The following CAB39 variants were observed in gnomAD, a reference collection of about 807,000 sequenced individuals.
CAB39 encodes calcium-binding protein 39.
In CAB39, 8 loss-of-function variants were observed where a neutral mutation model predicts 40.0. That is an observed-to-expected ratio of 0.20 (90% CI 0.12 to 0.36). The LOEUF is 0.36. Ranked by LOEUF, CAB39 falls within the 10% of genes least tolerant of loss-of-function variation. CAB39 has a pLI of 1.00. For missense variants in CAB39, 270 were observed against 401.1 expected, an observed-to-expected ratio of 0.67 and a Z score of 2.79; for synonymous variants, 156 against 141.6, an observed-to-expected ratio of 1.10 and a Z score of -0.72.
At chr2:230,750,079 G>T (rs775976106) in intron 1 of CAB39, among the ~76,000 whole-genome samples, 2 of 152,180 alleles carry the variant, frequency 1.3e-5, no homozygotes, top group Non-Finnish European at 2.9e-5. Context: ...GAATCCTGCT[G>T]TTACTTTGAG....
chr2:230,759,499 C>T (rs1226705471), intron 1 of CAB39, among the ~76,000 whole-genome samples: 1 of 152,188 alleles, frequency 6.6e-6, no homozygotes, highest in Non-Finnish European at 1.5e-5. Flanking sequence ...CAGATCTGAG[C>T]TTGTTTGACC....
At chr2:230,808,744 C>A (rs1696249598) in intron 5 of CAB39, among the ~76,000 whole-genome samples, 1 of 152,178 alleles carries the variant, frequency 6.6e-6, no homozygotes, top group Non-Finnish European at 1.5e-5. Flanking sequence ...AACACATACC[C>A]TATCCAGCAG....
chr2:230,764,125 C>CA (rs374607330), intron 2 of CAB39, among the ~76,000 whole-genome samples: 496 of 142,670 alleles, frequency 3.5e-3, no homozygotes, highest in African/African-American at 9.9e-3. Context: ...GTCTCAAAAA[C>CA]AAAAAAAAAA....
chr2:230,739,761 T>TG (rs530075477), intron 1 of CAB39, among the ~76,000 whole-genome samples: 10 of 152,210 alleles, frequency 6.6e-5, no homozygotes, highest in Non-Finnish European at 1.5e-4. Context: ...CCCAAAGTGC[T>TG]GGGATTACAG....
chr2:230,777,913 C>CT (rs2124940561), intron 2 of CAB39, among the ~76,000 whole-genome samples: 1 of 152,230 alleles, frequency 6.6e-6, no homozygotes, highest in South Asian at 2.1e-4. Context: ...AGTCAGAGGC[C>CT]TTGCACCTTT....
intron 6 of CAB39, among the ~76,000 whole-genome samples, chr2:230,812,316 A>G (rs1203138275): frequency 6.6e-6 from 1 of 152,222 alleles, no homozygotes; most frequent in Non-Finnish European, 1.5e-5. Context: ...ACTCCGATGC[A>G]GTTCCCTGAA....
At chr2:230,777,303 G>A (rs1377001213) in intron 2 of CAB39, among the ~76,000 whole-genome samples, 4 of 151,130 alleles carry the variant, frequency 2.6e-5, no homozygotes, top group African/African-American at 7.3e-5. Flanking sequence ...CTCTCTCTGG[G>A]GCAGATAAGT....
intron 2 of CAB39, among the ~76,000 whole-genome samples, chr2:230,788,395 T>C (rs770603343): frequency 6.6e-6 from 1 of 152,154 alleles, no homozygotes; most frequent in Admixed American, 6.5e-5. Context: ...CTTTGAGCTA[T>C]TGTTGCCGTA....
chr2:230,818,054 A>G, intron 8 of CAB39, 157 bp downstream of exon 8: 1 of 656,854 alleles, frequency 1.5e-6, no homozygotes, highest in Non-Finnish European at 2.6e-6. Flanking sequence ...TTTAAACAGA[A>G]AGGTAGACCT....
chr2:230,771,916 A>G (rs1331641360), intron 2 of CAB39, among the ~76,000 whole-genome samples: 4 of 152,234 alleles, frequency 2.6e-5, no homozygotes, highest in African/African-American at 7.2e-5. Context: ...CAGACCTCAT[A>G]CCATATTTAA....
intron 5 of CAB39, among the ~76,000 whole-genome samples, chr2:230,805,303 G>A (rs1258228450): frequency 6.6e-6 from 1 of 152,030 alleles, no homozygotes; most frequent in African/African-American, 2.4e-5. Flanking sequence ...TAATGTAAAT[G>A]ATGGGTTAAT....
intron 2 of CAB39, among the ~76,000 whole-genome samples, chr2:230,777,344 C>A (rs1559607060): frequency 1.3e-5 from 2 of 150,720 alleles, no homozygotes; most frequent in African/African-American, 2.4e-5. Context: ...TGCTCTGTAA[C>A]CTGTTGGTGT....
At chr2:230,753,771 A>AC (rs1353429199) in intron 1 of CAB39, among the ~76,000 whole-genome samples, 1 of 151,740 alleles carries the variant, frequency 6.6e-6, no homozygotes, top group Admixed American at 6.6e-5. Flanking sequence ...AAAAGAAAAA[A>AC]CCATTTTTTA....
chr2:230,761,642 G>T (rs1379779630), intron 2 of CAB39, among the ~76,000 whole-genome samples: 1 of 152,044 alleles, frequency 6.6e-6, no homozygotes. Context: ...CCTGGCTTCG[G>T]TACCTATGAG....
rs548582600 is a variant in CAB39, at chr2:230,735,986, G to A, written c.-44+22756G>A. Among the ~76,000 whole-genome samples, 110 of 152,286 alleles carry A rather than the reference G, an allele frequency of 7.2e-4. 1 individual carries two copies. The highest frequency in any genetic ancestry group is 1.4e-3 in the Non-Finnish European group (92 of 67,998). ...AGCAGTTATTGCACACTGCATAGGG[G>A]CTCTTTGAGAGATGGAAGAGTTATG... On this transcript the variant is annotated intron_variant, in intron 1 of 8. Coordinates refer to ENST00000258418, the MANE Select transcript of CAB39 (RefSeq NM_016289.4).
Position 230,819,204 on chromosome 2 carries a change from G to C in CAB39, c.*500G>C, listed in dbSNP as rs965434748. The C allele has an allele frequency of 6.6e-6, 1 of 152,394 alleles. No homozygotes were observed. The highest frequency in any genetic ancestry group is 1.9e-4 in the East Asian group (1 of 5,200). The allele number at this position is 152,394 out of a possible 1,614,324, so 9.4% of individuals were successfully genotyped here. A position where few individuals can be genotyped will look rare whatever the true frequency, so the allele number is the denominator to read the frequency against. On this transcript the variant is annotated 3_prime_UTR_variant, in exon 9 of 9. Transcript: ENST00000258418. ...GGGGAGCTATCCAAAATGGGAGTTTGGGGGCAGCTAAAGTTGACATGCGAA... is the reference window on the plus strand; with the variant it reads ...GGGGAGCTATCCAAAATGGGAGTTTCGGGGCAGCTAAAGTTGACATGCGAA...
intron 1 of CAB39, among the ~76,000 whole-genome samples, chr2:230,747,899 C>T (rs902673669): frequency 6.6e-6 from 1 of 152,206 alleles, no homozygotes; most frequent in African/African-American, 2.4e-5. Context: ...ACTCATACTT[C>T]CACATGTATG....
At chr2:230,771,021 C>T (rs1018252732) in intron 2 of CAB39, among the ~76,000 whole-genome samples, 3 of 152,110 alleles carry the variant, frequency 2.0e-5, no homozygotes, top group Non-Finnish European at 2.9e-5. Flanking sequence ...TATTCAACTT[C>T]GTACTTGGAG....
intron 8 of CAB39, 185 bp from the exon 9 acceptor site, chr2:230,818,331 A>G (rs574532577): frequency 2.6e-4 from 145 of 565,222 alleles, no homozygotes; most frequent in African/African-American, 2.5e-3. Flanking sequence ...TTTGTGTTAA[A>G]ACATGTAATT....
Sources: gnomAD v4.1 joint callset for allele counts (sites outside exome capture counted in the v4.1 genomes callset) on GRCh38, gnomAD v4.1.1 for gene constraint, MANE v1.5 for transcripts, NCBI Gene and HGNC (gene_info 2026-07-23, HGNC 2026-07-21) for gene names.